CHD5: variants seen among roughly 807,000 people sequenced by gnomAD.
The protein encoded by CHD5 is ATP-dependent chromatin remodeler CHD5.
In CHD5, 69 loss-of-function variants were observed where a neutral mutation model predicts 230.3. The ratio of observed to expected loss-of-function variants is 0.30; its 90% CI spans 0.25 to 0.37. CHD5 has a LOEUF of 0.37. CHD5 is among the 10% of genes least tolerant of loss of function. The probability of loss-of-function intolerance (pLI) is 1.00; values close to 1 mark genes in which losing one functional copy is unlikely to be tolerated. For missense variants in CHD5, 1,827 were observed against 2,622.8 expected (o/e 0.70, Z 6.63); for synonymous variants, 1,064 against 1,065.9 (o/e 1.00, Z 0.03).
In CHD5 at chr1:6,130,628, A is replaced by C. The variant is rs578063781; in HGVS notation, c.3263-300T>G. Among the ~76,000 whole-genome samples, 1 of 152,294 alleles carries C rather than the reference A, an allele frequency of 6.6e-6. No individual in the cohort carries two copies. The highest frequency in any genetic ancestry group is 2.1e-4 in the South Asian group (1 of 4,830). On this transcript the variant is annotated intron_variant, in intron 21 of 41. Coordinates refer to ENST00000262450, the MANE Select transcript of CHD5 (RefSeq NM_015557.3). The surrounding 1 kb of genome is among the most constrained non-coding windows in gnomAD (Gnocchi z 4.9). ...AGCAAAAAACAAAGTGCAAGCCGCCAGCAAGTACAAGCAGAGCCCTAGAGA... is the reference window on the plus strand; with the variant it reads ...AGCAAAAAACAAAGTGCAAGCCGCCCGCAAGTACAAGCAGAGCCCTAGAGA...
At chr1:6,171,766 G>A (rs772662941) in intron 1 of CHD5, among the ~76,000 whole-genome samples, 9 of 152,248 alleles carry the variant, frequency 5.9e-5, no homozygotes, top group Non-Finnish European at 1.3e-4. Context: ...CATGCAGCCA[G>A]TGTTAAGGTG....
At chr1:6,159,549 G>A in intron 2 of CHD5, 34 bp from the exon 3 acceptor site, 1 of 1,572,870 alleles carries the variant, frequency 6.4e-7, no homozygotes, top group South Asian at 1.1e-5. Flanking sequence ...GGGCAACAGA[G>A]GCCCCAGGAA....
intron 31 of CHD5, among the ~76,000 whole-genome samples, chr1:6,123,426 T>C (rs1666502120): frequency 6.6e-6 from 1 of 150,544 alleles, no homozygotes; most frequent in Non-Finnish European, 1.5e-5. Flanking sequence ...AATCACTGAA[T>C]AGTACTTTTT....
At position 6,102,123 on chromosome 1, in the gene CHD5, G is replaced by T; in HGVS notation, c.*3351C>A. 3.1e-6 allele frequency: 1 copy of T among 327,232 alleles called. No homozygotes were observed. The highest frequency in any genetic ancestry group is 6.2e-6 in the Non-Finnish European group (1 of 161,358). The allele number at this position is 327,232 out of a possible 1,614,324, so 20.3% of individuals were successfully genotyped here. On this transcript the variant is annotated 3_prime_UTR_variant, in exon 42 of 42. Coordinates refer to ENST00000262450, the MANE Select transcript of CHD5 (RefSeq NM_015557.3). ...CACACCCCTGAACTCAGACCCCACG[G>T]GCCAGTGGGGACCCTCCCTTCCTCT...
intron 7 of CHD5, 145 bp from the exon 8 acceptor site, chr1:6,149,557 T>C (rs1247945471): frequency 1.2e-5 from 8 of 665,648 alleles, no homozygotes; most frequent in Non-Finnish European, 1.8e-5. Flanking sequence ...GACTGATGGT[T>C]GAGGTGGTAA....
chr1:6,127,924 A>C, intron 25 of CHD5, 122 bp downstream of exon 25: 1 of 851,108 alleles, frequency 1.2e-6, no homozygotes, highest in Non-Finnish European at 1.8e-6. Flanking sequence ...GGGCGGGGTC[A>C]CAGCTTGGAG....
Position 6,149,402 on chromosome 1 carries a change from A to G in CHD5, c.1005T>C (p.Gly335=). 1.2e-6 allele frequency: 2 copies of G among 1,608,774 alleles called. No homozygotes were observed. The highest frequency in any genetic ancestry group is 1.7e-6 in the Non-Finnish European group (2 of 1,176,504). Residue 335 remains glycine, a synonymous_variant, in exon 8 of 42, where the codon GGT becomes GGC. Coordinates refer to ENST00000262450, the MANE Select transcript of CHD5 (RefSeq NM_015557.3). ...CCTGGTGGTCTGTCTCATAGCCGTC[A>G]CCATCATCAACTAGGGTAGGGGAGA... ...RRRKKKRIDD[G]DGYETDHQDY... is the part of the protein sequence containing the mutation.
At chr1:6,115,348 T>G (rs1298830325) in intron 33 of CHD5, among the ~76,000 whole-genome samples, 1 of 152,136 alleles carries the variant, frequency 6.6e-6, no homozygotes, top group Non-Finnish European at 1.5e-5. Context: ...TTCCGGCCCT[T>G]GGTGTCCACG....
At chr1:6,165,916 T>C (rs1000423395) in intron 2 of CHD5, among the ~76,000 whole-genome samples, 2 of 151,860 alleles carry the variant, frequency 1.3e-5, no homozygotes, top group African/African-American at 4.8e-5. Context: ...CCGGGGAAGA[T>C]GCAAGAGCCG....
At chr1:6,163,466 G>A (rs532242838) in intron 2 of CHD5, among the ~76,000 whole-genome samples, 49 of 152,344 alleles carry the variant, frequency 3.2e-4, no homozygotes, top group African/African-American at 1.1e-3. Context: ...GGGTGGGGGT[G>A]CAGGGCAGAA....
rs1666839025 is a variant in CHD5, at chr1:6,142,196, T to C, written c.2368A>G (p.Ile790Val). The change falls in exon 15 of 42, where the codon ATT (isoleucine) becomes GTT (valine). Residue 790 changes from isoleucine to valine, a missense_variant. Around this residue, in one of 14 missense-constraint regions of CHD5, gnomAD observed 80 missense variants for 96.4 expected, o/e 0.83. Transcript: ENST00000262450. The surrounding 1 kb of genome is among the most constrained non-coding windows in gnomAD (Gnocchi z 5.2). ...TCAAAGGAAAACTCGTTCTCCCGAA[T>C]CACCGAGCGGCTCTCCTTGTCCCCC... Reference protein sequence around the residue: ...YTGDKESRSVIRENEFSFEDN... With the variant: ...YTGDKESRSVVRENEFSFEDN... 1.2e-6 allele frequency: 2 copies of C among 1,614,058 alleles called. No homozygotes were observed. Among genetic ancestry groups the C allele is most frequent in the African/African-American group, 1.3e-5 (1 of 74,924 alleles).
chr1:6,138,867 T>C (rs1417156712), intron 15 of CHD5, among the ~76,000 whole-genome samples: 2 of 152,202 alleles, frequency 1.3e-5, no homozygotes, highest in African/African-American at 4.8e-5. Context: ...GCAGCCCAAG[T>C]GCTCAACAAC....
intron 1 of CHD5, among the ~76,000 whole-genome samples, chr1:6,178,225 A>G (rs914696004): frequency 6.6e-5 from 10 of 152,168 alleles, no homozygotes; most frequent in African/African-American, 2.4e-4. Flanking sequence ...CAGGATGACC[A>G]GAGCCCCGCC....
Position 6,131,825 on chromosome 1 carries a change from A to G in CHD5, c.3145-77T>C, listed in dbSNP as rs1185309721. ...GGGCCATGGGCGGGGACCCCGCCAC[A>G]GGCAGGGGAGGAGAGAGCTGCCTGC... On this transcript the variant is annotated intron_variant, in intron 20 of 41. Coordinates refer to ENST00000262450, the MANE Select transcript of CHD5 (RefSeq NM_015557.3). This position sits in a 1 kb window ranked among gnomAD's most constrained non-coding sequence, Gnocchi z 5.0. 5 of 842,794 alleles carry G rather than the reference A, an allele frequency of 5.9e-6. No individual in the cohort carries two copies. Among genetic ancestry groups the G allele is most frequent in the Non-Finnish European group, 1.0e-5 (5 of 501,552 alleles). 52.2% of individuals were successfully genotyped at this position (842,794 alleles called of 1,614,324 possible).
At chr1:6,114,692 A>G (rs1666348149) in intron 33 of CHD5, among the ~76,000 whole-genome samples, 1 of 152,116 alleles carries the variant, frequency 6.6e-6, no homozygotes, top group Admixed American at 6.6e-5. Flanking sequence ...GTGACCAAAG[A>G]CAGAGAAAAA....
At chr1:6,132,433 A>AG (rs1158342269) in intron 20 of CHD5, among the ~76,000 whole-genome samples, 1 of 152,086 alleles carries the variant, frequency 6.6e-6, no homozygotes, top group Admixed American at 6.5e-5. Context: ...GGGTTCATTT[A>AG]TTTATATTTA....
In CHD5 at chr1:6,101,918, G is replaced by T. The variant is rs1666063808; in HGVS notation, c.*3556C>A. Reference sequence around the variant, plus strand: ...GTGGGCGAAGACCAGACAAGCCACGGCTCACAGGGGAGCCTGGCTTCCAAA... The same window carrying T: ...GTGGGCGAAGACCAGACAAGCCACGTCTCACAGGGGAGCCTGGCTTCCAAA... On this transcript the variant is annotated 3_prime_UTR_variant, in exon 42 of 42. Transcript: ENST00000262450. 2.7e-6 allele frequency: 1 copy of T among 371,968 alleles called. No homozygotes were observed. The allele number at this position is 371,968 out of a possible 1,614,324, so 23.0% of individuals were successfully genotyped here.
chr1:6,123,385 C>T (rs189206132), intron 31 of CHD5, among the ~76,000 whole-genome samples: 17 of 150,856 alleles, frequency 1.1e-4, no homozygotes, highest in African/African-American at 3.9e-4. Flanking sequence ...TAGGCAGTGG[C>T]GATGGTTGTA....
At chr1:6,118,378 CAAAA>C (rs60950909) in intron 33 of CHD5, among the ~76,000 whole-genome samples, 9 of 79,188 alleles carry the variant, frequency 1.1e-4, no homozygotes, top group African/African-American at 1.4e-4. Context: ...GACCCTGTCT[CAAAA>C]AAAAAAAAAA....
Sources: gnomAD v4.1 joint callset for allele counts (sites outside exome capture counted in the v4.1 genomes callset) on GRCh38, gnomAD v4.1.1 for gene constraint, gnomAD v4.1.1 regional missense constraint, Gnocchi (gnomAD v3.1) non-coding constraint, MANE v1.5 for transcripts, NCBI Gene and HGNC (gene_info 2026-07-23, HGNC 2026-07-21) for gene names.